Variants in SIGLEC1 observed in about 807,000 individuals in gnomAD.
SIGLEC1 encodes the protein sialoadhesin.
A neutral mutation model predicts 148.0 loss-of-function variants in SIGLEC1; 132 were observed. The ratio of observed to expected loss-of-function variants is 0.89; its 90% confidence interval spans 0.77 to 1.03. The LOEUF (loss-of-function observed/expected upper bound fraction) is 1.03. Among genes scored for constraint, SIGLEC1 ranks in the 50% least tolerant of loss-of-function variants. The pLI is 0.00. For synonymous variants in SIGLEC1, 945 were observed against 969.0 expected, an observed-to-expected ratio of 0.98 and a Z score of 0.46; for missense variants, 2,253 against 2,271.4, an observed-to-expected ratio of 0.99 and a Z score of 0.16.
At position 3,689,972 on chromosome 20, in the gene SIGLEC1, A is replaced by G. The variant is rs1275328037; in HGVS notation, c.4884T>C (p.Phe1628=). The change falls in exon 19 of 22, where the codon TTT becomes TTC. Residue 1628 remains phenylalanine (F), a synonymous_variant. Transcript: ENST00000344754. ...GCCCCCTCCCCTCACCTCTGACCCCAAAGTAGGTGGAGGTAGAGGCAGAGC... is the reference window on the plus strand; with the variant it reads ...GCCCCCTCCCCTCACCTCTGACCCCGAAGTAGGTGGAGGTAGAGGCAGAGC... ...VLGSASTSTY[F]GVRALHRLHQ... The G allele has an allele frequency of 7.4e-6, 12 of 1,612,102 alleles. No homozygotes were observed. The East Asian group carries it at 2.7e-4, about 36-fold the overall frequency.
chr20:3,702,010 G>A (rs73078430), intron 6 of SIGLEC1, among the ~76,000 whole-genome samples: 7,480 of 152,224 alleles, frequency 0.049, 249 homozygotes, highest in Middle Eastern at 0.078. Flanking sequence ...CAGCATGTCC[G>A]CGGCCTTCCC....
Position 3,692,240 on chromosome 20 carries a change from G to A in SIGLEC1, c.4031-38C>T, listed in dbSNP as rs768610571. The stretch of plus-strand genomic sequence containing the variant: ...AGGGCACAGATGGGGACCTTGCTTA[G>A]GCACCCTGTACTGCTCATTGCCTAG... On this transcript the variant is annotated intron_variant, in intron 16 of 21. Coordinates refer to ENST00000344754, the MANE Select transcript of SIGLEC1 (RefSeq NM_023068.4). The A allele has an allele frequency of 2.6e-6, 4 of 1,511,450 alleles. No individual in the cohort carries two copies. The East Asian group carries it at 9.1e-5, about 34-fold the overall frequency. 93.6% of individuals were successfully genotyped at this position (1,511,450 alleles called of 1,614,324 possible).
At chr20:3,695,890 C>A (rs558988521) in intron 11 of SIGLEC1, among the ~76,000 whole-genome samples, 15 of 152,004 alleles carry the variant, frequency 9.9e-5, no homozygotes, top group Non-Finnish European at 1.9e-4. Flanking sequence ...TGGCTCACTG[C>A]AACCTCCATC....
Position 3,706,317 on chromosome 20 carries a change from G to T in SIGLEC1, c.409+30C>A, listed in dbSNP as rs73893084. ...CAGAAGCAGCTTGGGAATCCCTCCC[G>T]GGGGGCAGCCAGGCCACCCCACTTA... is the stretch of plus-strand genomic sequence containing the variant. On this transcript the variant is annotated intron_variant, in intron 3 of 21. Transcript: ENST00000344754. The T allele has an allele frequency of 2.5e-6, 4 of 1,583,898 alleles. No homozygotes were observed. In the African/African-American group the frequency reaches 4.0e-5, roughly 16 times the overall value.
chr20:3,688,691 A>G, intron 21 of SIGLEC1, 72 bp from the exon 22 acceptor site: 1 of 1,228,192 alleles, frequency 8.1e-7, no homozygotes, highest in Admixed American at 2.5e-5. Flanking sequence ...CCCCAGCCTC[A>G]GGTGGGGTCC....
At position 3,694,815 on chromosome 20, in the gene SIGLEC1, T is replaced by A; in HGVS notation, c.2792A>T (p.Tyr931Phe). 1 of 1,613,542 alleles carries A rather than the reference T, an allele frequency of 6.2e-7. No individual in the cohort carries two copies. Among genetic ancestry groups the A allele is most frequent in the Non-Finnish European group, 8.5e-7 (1 of 1,179,978 alleles). ...CTCCTGGAGGGGCTGGCCATCCCGA[T>A]ACCAACGATATGAGGTCCCCTCTGG... is the stretch of plus-strand genomic sequence containing the variant. ...GVPEGTSYRW[Y>F]RDGQPLQEST... The change falls in exon 12 of 22, where the codon TAT becomes TTT. Residue 931 changes from tyrosine to phenylalanine, a missense_variant. Coordinates refer to ENST00000344754, the MANE Select transcript of SIGLEC1 (RefSeq NM_023068.4).
At position 3,703,979 on chromosome 20, in the gene SIGLEC1, G is replaced by A. The variant is rs776145576; in HGVS notation, c.819C>T (p.Ser273=). 5 of 1,612,482 alleles carry A rather than the reference G, an allele frequency of 3.1e-6. No individual in the cohort carries two copies. The highest frequency in any genetic ancestry group is 1.7e-4 in the Middle Eastern group (1 of 6,048). ...GTACCCCATCCTTGAGCCACTTAAT[G>A]GAACTGACTGCAGGGTAGCTGCTGT... The part of the protein sequence containing the change: ...QVNSSYPAVS[S]IKWLKDGVRL... The change falls in exon 5 of 22, where the codon TCC becomes TCT. Residue 273 remains serine (S), a synonymous_variant. Coordinates refer to ENST00000344754, the MANE Select transcript of SIGLEC1 (RefSeq NM_023068.4).
At chr20:3,691,013 T>C (rs2088754531) in intron 18 of SIGLEC1, among the ~76,000 whole-genome samples, 1 of 152,004 alleles carries the variant, frequency 6.6e-6, no homozygotes, top group African/African-American at 2.4e-5. Context: ...GTATTTTTAG[T>C]AGAGACGGAG....
At position 3,707,066 on chromosome 20, in the gene SIGLEC1, C is replaced by A; in HGVS notation, c.49+14G>T. 6.2e-7 allele frequency: 1 copy of A among 1,613,402 alleles called. No homozygotes were observed. The highest frequency in any genetic ancestry group is 1.3e-5 in the African/African-American group (1 of 75,052). On this transcript the variant is annotated intron_variant, in intron 2 of 21. Coordinates refer to ENST00000344754, the MANE Select transcript of SIGLEC1 (RefSeq NM_023068.4). ...TGGACCCTGGAAGACAGGCACTAGG[C>A]CCGCAAAGCTTACCTGCTGGGAAGA...
Position 3,710,097 on chromosome 20 carries a change from A to G in SIGLEC1, c.-110+2373T>C, listed in dbSNP as rs143548255. On this transcript the variant is annotated intron_variant, in intron 1 of 21. Transcript: ENST00000344754. This position sits in a 1 kb window ranked among gnomAD's most constrained non-coding sequence, Gnocchi z 4.6. Reference sequence around the variant, plus strand: ...ACACACCCATGTTGCCAACTTTGCAATCCTCCCTGGTCCTAAATGCTGACT... The same window carrying G: ...ACACACCCATGTTGCCAACTTTGCAGTCCTCCCTGGTCCTAAATGCTGACT... Among the ~76,000 whole-genome samples, 243 of 152,288 alleles carry G rather than the reference A, an allele frequency of 1.6e-3. No homozygotes were observed. The highest frequency in any genetic ancestry group is 5.7e-3 in the African/African-American group (235 of 41,552).
chr20:3,693,030 C>A lies in SIGLEC1; in HGVS notation c.3610G>T (p.Ala1204Ser), dbSNP rs200041613. The A allele has an allele frequency of 3.7e-6, 6 of 1,611,312 alleles. No homozygotes were observed. Among genetic ancestry groups the A allele is most frequent in the Non-Finnish European group, 5.1e-6 (6 of 1,179,544 alleles). ...AAGAGGCGACCGGCGTGGCTGAGGG[C>A]CAGCTGGGCGGGCGGGCGGCTGTCC... ...TVDSRPPAQL[A>S]LSHAGRLLAS... is the part of the protein sequence containing the mutation. Residue 1204 changes from alanine to serine, a missense_variant, in exon 15 of 22, where the codon GCC (alanine) becomes TCC (serine). By Grantham distance (99) the Ala-to-Ser change is moderately conservative. Transcript: ENST00000344754.
At position 3,690,264 on chromosome 20, in the gene SIGLEC1, T is replaced by C. The variant is rs377313340; in HGVS notation, c.4592A>G (p.Tyr1531Cys). ...CATCATGGTGGGCGTCTTGGGAGGG[T>C]CTGTGGGGAGGAAGGGAGTGTGGTG... is the stretch of plus-strand genomic sequence containing the variant. Reference protein sequence around the residue: ...ASAPVMLRVLYPPKTPTMMVF... With the variant: ...ASAPVMLRVLCPPKTPTMMVF... The change falls in exon 19 of 22, where the codon TAC becomes TGC. Residue 1531 changes from tyrosine (Y) to cysteine (C), a missense_variant and splice_region_variant. Transcript: ENST00000344754. 110 of 1,540,574 alleles carry C rather than the reference T, an allele frequency of 7.1e-5. 3 individuals are homozygous for C. In the East Asian group the frequency reaches 8.1e-4, roughly 11 times the overall value.
In SIGLEC1 at chr20:3,689,980, T is replaced by C; in HGVS notation, c.4876A>G (p.Thr1626Ala). 3 of 1,612,440 alleles carry C rather than the reference T, an allele frequency of 1.9e-6. No individual in the cohort carries two copies. Among genetic ancestry groups the C allele is most frequent in the Non-Finnish European group, 2.5e-6 (3 of 1,179,534 alleles). Residue 1626 changes from threonine to alanine, a missense_variant, in exon 19 of 22, where the codon ACC (threonine) becomes GCC (alanine). By Grantham distance (58) the Thr-to-Ala change is moderately conservative. Coordinates refer to ENST00000344754, the MANE Select transcript of SIGLEC1 (RefSeq NM_023068.4). ...CCCTCACCTCTGACCCCAAAGTAGG[T>C]GGAGGTAGAGGCAGAGCCCAGGACA... Reference protein sequence around the residue: ...SNVLGSASTSTYFGVRALHRL... With the variant: ...SNVLGSASTSAYFGVRALHRL...
At position 3,692,055 on chromosome 20, in the gene SIGLEC1, T is replaced by C. The variant is rs764394180; in HGVS notation, c.4178A>G (p.His1393Arg). 47 of 1,612,508 alleles carry C rather than the reference T, an allele frequency of 2.9e-5. No homozygotes were observed. The highest frequency in any genetic ancestry group is 3.6e-5 in the Non-Finnish European group (43 of 1,179,676). ...GKVLATSSGV[H>R]SLASGTGHVQ... ...ATGGCCTGTCCCTGATGCCAAGCTG[T>C]GGACCCCGCTGCTCGTGGCCAGCAC... The change falls in exon 17 of 22, where the codon CAC becomes CGC. Residue 1393 changes from histidine to arginine, a missense_variant. His to Arg is a conservative substitution (Grantham distance 29). Transcript: ENST00000344754.
chr20:3,689,615 G>A lies in SIGLEC1; in HGVS notation c.4982C>T (p.Ala1661Val), dbSNP rs1186020251. 1.3e-6 allele frequency: 2 copies of A among 1,580,910 alleles called. No homozygotes were observed. Among genetic ancestry groups the A allele is most frequent in the Non-Finnish European group, 1.7e-6 (2 of 1,163,506 alleles). ...GLLLLLLGLG[A>V]CYTWRRRRVC... ...CCAGACCCACCTCCAGGTGTAGCAGGCCCCCAGGCCCAACAGCAGGAGCAG... is the reference window on the plus strand; with the variant it reads ...CCAGACCCACCTCCAGGTGTAGCAGACCCCCAGGCCCAACAGCAGGAGCAG... Residue 1661 changes from alanine to valine, a missense_variant, in exon 20 of 22, where the codon GCC becomes GTC. By Grantham distance (64) the Ala-to-Val change is moderately conservative. Transcript: ENST00000344754.
rs1256339486 is a variant in SIGLEC1, at chr20:3,696,137, CACAA to C, written c.2683+445_2683+448del. On this transcript the variant is annotated intron_variant, in intron 11 of 21. Coordinates refer to ENST00000344754, the MANE Select transcript of SIGLEC1 (RefSeq NM_023068.4). ...TATAGAGACTATATATATACACACA[CACAA>C]ACACACACACACACACACACACACA... Among the ~76,000 whole-genome samples, 488 of 141,534 alleles carry C rather than the reference CACAA, an allele frequency of 3.4e-3. 5 individuals carry two copies. The highest frequency in any genetic ancestry group is 0.01 in the African/African-American group (359 of 34,344). 92.9% of individuals were successfully genotyped at this position (141,534 alleles called of 152,430 possible).
At position 3,706,530 on chromosome 20, in the gene SIGLEC1, G is replaced by T. The variant is rs1434210564; in HGVS notation, c.226C>A (p.Pro76Thr). 1 of 1,613,076 alleles carries T rather than the reference G, an allele frequency of 6.2e-7. No homozygotes were observed. The highest frequency in any genetic ancestry group is 8.5e-7 in the Non-Finnish European group (1 of 1,179,960). The change falls in exon 3 of 22, where the codon CCC (proline) becomes ACC (threonine). Residue 76 changes from proline to threonine, a missense_variant. Pro to Thr is a conservative substitution (Grantham distance 38). Coordinates refer to ENST00000344754, the MANE Select transcript of SIGLEC1 (RefSeq NM_023068.4). Reference protein sequence around the residue: ...QRQVVSHSADPKLVEARFRGR... With the variant: ...QRQVVSHSADTKLVEARFRGR... The stretch of plus-strand genomic sequence containing the variant: ...CGGAAGCGGGCCTCCACCAGCTTGG[G>T]GTCCGCCGAGTGGCTCACCACCTGC...
At position 3,689,644 on chromosome 20, in the gene SIGLEC1, G is replaced by T. The variant is rs2088735560; in HGVS notation, c.4953C>A (p.Gly1651=). The T allele has an allele frequency of 6.3e-7, 1 of 1,591,320 alleles. No individual in the cohort carries two copies. Among genetic ancestry groups the T allele is most frequent in the Non-Finnish European group, 8.6e-7 (1 of 1,169,338 alleles). ...QLLWVLGLLV[G]LLLLLLGLGA... ...CCAGGCCCAACAGCAGGAGCAGGAG[G>T]CCCACCAGCAGTCCCAGGACCCAGA... is the stretch of plus-strand genomic sequence containing the variant. Residue 1651 remains glycine (G), a synonymous_variant, in exon 20 of 22, where the codon GGC becomes GGA. Coordinates refer to ENST00000344754, the MANE Select transcript of SIGLEC1 (RefSeq NM_023068.4).
chr20:3,694,055 A>T (rs1330057712), intron 13 of SIGLEC1, among the ~76,000 whole-genome samples, 166 bp downstream of exon 13: 2 of 152,152 alleles, frequency 1.3e-5, no homozygotes, highest in Non-Finnish European at 2.9e-5. Flanking sequence ...TGTTTATAAA[A>T]GGTTCTCCTA....
Sources: gnomAD v4.1 joint callset for allele counts (sites outside exome capture counted in the v4.1 genomes callset) on GRCh38, gnomAD v4.1.1 for gene constraint, Gnocchi (gnomAD v3.1) non-coding constraint, MANE v1.5 for transcripts, NCBI Gene and HGNC (gene_info 2026-07-23, HGNC 2026-07-21) for gene names.